FHIT: variants seen among roughly 807,000 people sequenced by gnomAD.
FHIT encodes bis(5'-adenosyl)-triphosphatase.
A neutral mutation model predicts 17.9 loss-of-function variants in FHIT; 19 were observed. The ratio of observed to expected loss-of-function variants is 1.06; its 90% CI spans 0.74 to 1.56. FHIT has a LOEUF of 1.56. Among genes scored for constraint, FHIT ranks in the 40% most tolerant of loss-of-function variants. FHIT has a pLI of 0.00. For synonymous variants in FHIT, 81 were observed against 69.7 expected (o/e 1.16, Z -0.81); for missense variants, 248 against 189.2 (o/e 1.31, Z -1.82).
At chr3:60,249,159 C>T (rs1237799118) in intron 5 of FHIT, among the ~76,000 whole-genome samples, 4 of 152,004 alleles carry the variant, frequency 2.6e-5, no homozygotes, top group Non-Finnish European at 5.9e-5. Context: ...TCAGGCCCAG[C>T]CAAAAAACTC....
intron 2 of FHIT, among the ~76,000 whole-genome samples, chr3:61,187,508 A>T (rs2038556399): frequency 6.6e-6 from 1 of 152,206 alleles, no homozygotes; most frequent in Non-Finnish European, 1.5e-5. Context: ...CACTGTCAAC[A>T]TCACACAGAT....
intron 5 of FHIT, among the ~76,000 whole-genome samples, chr3:60,292,386 T>C (rs908166022): frequency 7.2e-5 from 11 of 152,032 alleles, no homozygotes; most frequent in African/African-American, 2.7e-4. Context: ...CGTTGGGAGT[T>C]CCCCTTCCCC....
At chr3:61,092,787 T>C (rs907893799) in intron 2 of FHIT, among the ~76,000 whole-genome samples, 2 of 152,306 alleles carry the variant, frequency 1.3e-5, no homozygotes, top group East Asian at 3.9e-4. Context: ...GTAATTTTTT[T>C]GTGGATGATG....
intron 2 of FHIT, among the ~76,000 whole-genome samples, chr3:61,192,587 T>C (rs965221381): frequency 6.6e-6 from 1 of 152,230 alleles, no homozygotes; most frequent in African/African-American, 2.4e-5. Flanking sequence ...GTTTGAACCA[T>C]TTCAAGTTGA....
At chr3:60,717,676 A>G (rs1229446290) in intron 4 of FHIT, among the ~76,000 whole-genome samples, 5 of 152,354 alleles carry the variant, frequency 3.3e-5, no homozygotes, top group African/African-American at 4.8e-5. Flanking sequence ...TAAGTGTTCT[A>G]GAGCAGTTGT....
chr3:60,597,255 C>G (rs1268116744), intron 4 of FHIT, among the ~76,000 whole-genome samples: 2 of 152,046 alleles, frequency 1.3e-5, no homozygotes, highest in African/African-American at 4.8e-5. Context: ...GAGCCCTAAA[C>G]CTTTTCATCG....
intron 3 of FHIT, among the ~76,000 whole-genome samples, chr3:60,917,584 A>G (rs549086549): frequency 1.3e-5 from 2 of 152,150 alleles, no homozygotes; most frequent in African/African-American, 4.8e-5. Flanking sequence ...CACATTCCCA[A>G]CTCAGACCCT....
At chr3:60,029,879 T>TGTGTGTG (rs1553655670) in intron 5 of FHIT, among the ~76,000 whole-genome samples, 17 of 131,482 alleles carry the variant, frequency 1.3e-4, no homozygotes, top group African/African-American at 2.2e-4. Flanking sequence ...CATAGAAGCA[T>TGTGTGTG]TGTGTGTGTG....
intron 8 of FHIT, among the ~76,000 whole-genome samples, chr3:59,814,143 G>A (rs1283858989): frequency 6.6e-6 from 1 of 152,164 alleles, no homozygotes; most frequent in South Asian, 2.1e-4. Context: ...GAGGATTTGA[G>A]CAAAGAAAAG....
chr3:60,169,237 G>T (rs1006414995), intron 5 of FHIT, among the ~76,000 whole-genome samples: 40 of 152,102 alleles, frequency 2.6e-4, no homozygotes, highest in Admixed American at 2.6e-3. Context: ...AGAAACACAC[G>T]AAGAGAAATT....
chr3:59,937,725 G>C (rs1706312019), intron 7 of FHIT, among the ~76,000 whole-genome samples: 1 of 152,142 alleles, frequency 6.6e-6, no homozygotes, highest in South Asian at 2.1e-4. Context: ...CTAAATTTAA[G>C]ATTTTTCATC....
rs145484971 is a variant in FHIT at position 61,055,451 on chromosome 3, G to C, written c.-163-13352C>G. On this transcript the variant is annotated intron_variant, in intron 2 of 9. Coordinates refer to ENST00000492590, the MANE Select transcript of FHIT (RefSeq NM_002012.4). ...GTGTTAACATCAGGTTAGTCATAGA[G>C]AATTCAGTTCCCAAAGCTTATAGTG... Among the ~76,000 whole-genome samples, 160 of 152,270 alleles carry C rather than the reference G, an allele frequency of 1.1e-3. 2 individuals are homozygous for C. Among genetic ancestry groups the C allele is most frequent in the African/African-American group, 3.6e-3 (150 of 41,556 alleles).
intron 2 of FHIT, among the ~76,000 whole-genome samples, chr3:61,146,259 C>G (rs971660397): frequency 6.6e-6 from 1 of 151,974 alleles, no homozygotes; most frequent in South Asian, 2.1e-4. Flanking sequence ...CAAAATGGAA[C>G]CAAAAGTGGA....
intron 5 of FHIT, among the ~76,000 whole-genome samples, chr3:60,318,537 C>T (rs190849406): frequency 6.6e-5 from 10 of 152,300 alleles, no homozygotes; most frequent in South Asian, 2.1e-4. Flanking sequence ...ACCCAAATCC[C>T]TCTTCCTTTG....
At position 61,248,706 on chromosome 3, in the gene FHIT, A is replaced by G. The variant is rs139496407; in HGVS notation, c.-213+2595T>C. ...ACACACAAATAAAGATGGGGACACA[A>G]AAACATTTCCTAAAGCATTCTATCA... On this transcript the variant is annotated intron_variant, in intron 1 of 9. Transcript: ENST00000492590. Among the ~76,000 whole-genome samples, 334 of 152,360 alleles carry G rather than the reference A, an allele frequency of 2.2e-3. 1 individual carries two copies. Among genetic ancestry groups the G allele is most frequent in the Non-Finnish European group, 3.6e-3 (245 of 68,030 alleles).
intron 4 of FHIT, among the ~76,000 whole-genome samples, chr3:60,795,317 A>G (rs1050132985): frequency 4.6e-5 from 7 of 152,184 alleles, no homozygotes; most frequent in Non-Finnish European, 8.8e-5. Context: ...GCTTTTTAAG[A>G]TCTTTGATAA....
At chr3:60,744,996 C>A (rs2042328123) in intron 4 of FHIT, among the ~76,000 whole-genome samples, 1 of 151,990 alleles carries the variant, frequency 6.6e-6, no homozygotes, top group African/African-American at 2.4e-5. Context: ...ACCTGTAATC[C>A]CAGCTTTTAG....
intron 5 of FHIT, among the ~76,000 whole-genome samples, chr3:60,202,462 T>C (rs547947057): frequency 6.6e-6 from 1 of 152,218 alleles, no homozygotes; most frequent in Non-Finnish European, 1.5e-5. Flanking sequence ...ACACATCCTT[T>C]GTCACGGTGT....
At chr3:60,971,198 T>C (rs982388957) in intron 3 of FHIT, among the ~76,000 whole-genome samples, 3 of 152,084 alleles carry the variant, frequency 2.0e-5, no homozygotes, top group Non-Finnish European at 4.4e-5. Flanking sequence ...TAAAACCCTA[T>C]CTCTACTAAA....
Sources: allele counts gnomAD v4.1 joint callset (sites outside exome capture counted in the v4.1 genomes callset), GRCh38; gene constraint gnomAD v4.1.1; transcripts MANE v1.5; gene names NCBI Gene and HGNC (gene_info 2026-07-23, HGNC 2026-07-21).